Variants in ZPBP observed in about 807,000 individuals in gnomAD.
ZPBP encodes zona pellucida-binding protein 1.
ZPBP carries 26 observed loss-of-function variants against 44.8 expected under a neutral mutation model. The observed-to-expected ratio is 0.58, with a 90% CI of 0.43 to 0.81. The LOEUF is 0.81. Ranked by LOEUF, ZPBP falls within the 30% of genes least tolerant of loss-of-function variation. The pLI is 0.00. For synonymous variants in ZPBP, 174 were observed against 153.2 expected, an observed-to-expected ratio of 1.14 and a Z score of -1.00; for missense variants, 409 against 434.0, an observed-to-expected ratio of 0.94 and a Z score of 0.51.
In ZPBP at chr7:49,945,995, G is replaced by T. The variant is rs147373564; in HGVS notation, c.962-8373C>A. Among the ~76,000 whole-genome samples the T allele has an allele frequency of 1.5e-3, 233 of 151,700 alleles. 3 individuals carry two copies. The highest frequency in any genetic ancestry group is 5.4e-3 in the African/African-American group (223 of 41,406). ...TATCCGTTGTGTTTTTTGATTTGTG[G>T]TTACCATAGCCTTGCAAATAATATC... On this transcript the variant is annotated intron_variant, in intron 7 of 7. Transcript: ENST00000046087.
intron 3 of ZPBP, among the ~76,000 whole-genome samples, chr7:50,079,788 G>A (rs1313947457): frequency 6.6e-6 from 1 of 151,674 alleles, no homozygotes; most frequent in Non-Finnish European, 1.5e-5. Context: ...GAACACATGT[G>A]TGAGTACTTA....
intron 2 of ZPBP, among the ~76,000 whole-genome samples, chr7:49,892,800 G>T (rs1270852240): frequency 6.6e-6 from 1 of 152,206 alleles, no homozygotes; most frequent in Non-Finnish European, 1.5e-5. Flanking sequence ...TCCGTGGAAT[G>T]AATATAAATG....
intron 6 of ZPBP, among the ~76,000 whole-genome samples, chr7:49,986,950 T>C (rs1797312841): frequency 6.6e-6 from 1 of 152,154 alleles, no homozygotes; most frequent in Non-Finnish European, 1.5e-5. Flanking sequence ...CTTCATCTTG[T>C]TTTATGTCCT....
chr7:49,969,911 A>AT lies in ZPBP; in HGVS notation c.961+13430dup, dbSNP rs1796229729. ...GTTTCTCTCTGTCACCCAGGCTGGA[A>AT]TGCAGCGGCACAATCTCAGCTTACT... is the stretch of plus-strand genomic sequence containing the variant. On this transcript the variant is annotated intron_variant, in intron 7 of 7. Transcript: ENST00000046087. Among the ~76,000 whole-genome samples, 7 of 152,048 alleles carry AT rather than the reference A, an allele frequency of 4.6e-5. No individual in the cohort carries two copies. In the South Asian group the frequency reaches 1.5e-3, roughly 32 times the overall value.
intron 1 of ZPBP, among the ~76,000 whole-genome samples, chr7:49,922,808 AAAC>A (rs1794079570): frequency 4.6e-5 from 7 of 152,180 alleles, no homozygotes; most frequent in Admixed American, 3.9e-4. Flanking sequence ...AATGGAGCAG[AAAC>A]AACAATAGGT....
At chr7:49,869,948 T>C (rs1000301108) in intron 2 of ZPBP, among the ~76,000 whole-genome samples, 2 of 152,174 alleles carry the variant, frequency 1.3e-5, no homozygotes, top group African/African-American at 4.8e-5. Flanking sequence ...GAAGATGTGG[T>C]TGTCTCAAAA....
intron 7 of ZPBP, among the ~76,000 whole-genome samples, chr7:49,971,930 G>A (rs1305463729): frequency 6.6e-6 from 1 of 151,760 alleles, no homozygotes; most frequent in South Asian, 2.1e-4. Flanking sequence ...ATGTATGAAT[G>A]GTTTAACATG....
chr7:49,846,179 A>G (rs1455291232), downstream of ZPBP, among the ~76,000 whole-genome samples: 3 of 152,170 alleles, frequency 2.0e-5, no homozygotes, highest in African/African-American at 2.4e-5. Flanking sequence ...ATATGAATCC[A>G]CCCCATTTCC....
intron 2 of ZPBP, among the ~76,000 whole-genome samples, chr7:49,880,856 A>G (rs957181972): frequency 2.6e-5 from 4 of 152,140 alleles, no homozygotes; most frequent in Non-Finnish European, 5.9e-5. Context: ...TGCCTATGAC[A>G]TGGAATACTG....
chr7:49,957,780 C>A (rs1463375068), intron 7 of ZPBP, among the ~76,000 whole-genome samples: 7 of 152,162 alleles, frequency 4.6e-5, no homozygotes, highest in Admixed American at 3.9e-4. Flanking sequence ...TTCAGAGAGT[C>A]TCCACTACAG....
At chr7:49,962,835 T>C (rs536513529) in intron 7 of ZPBP, among the ~76,000 whole-genome samples, 9 of 151,882 alleles carry the variant, frequency 5.9e-5, no homozygotes, top group African/African-American at 2.2e-4. Flanking sequence ...CTTCATGAAT[T>C]GGATCTAAGC....
chr7:49,870,641 G>A (rs979167912), intron 2 of ZPBP, among the ~76,000 whole-genome samples: 1 of 152,186 alleles, frequency 6.6e-6, no homozygotes, highest in African/African-American at 2.4e-5. Context: ...GCTCACATGT[G>A]CATCAGGAAG....
chr7:50,024,478 C>G (rs200502846), intron 5 of ZPBP, among the ~76,000 whole-genome samples: 27 of 140,028 alleles, frequency 1.9e-4, no homozygotes, highest in Admixed American at 1.6e-3. Context: ...CACACACACA[C>G]AGAGGAATAT....
chr7:49,999,280 A>ATG (rs142277341), intron 6 of ZPBP, among the ~76,000 whole-genome samples: 1 of 150,134 alleles, frequency 6.7e-6, no homozygotes, highest in East Asian at 1.9e-4. Flanking sequence ...GTATATATAT[A>ATG]TACTATATAT....
At chr7:50,062,175 T>C (rs1337415766) in intron 3 of ZPBP, among the ~76,000 whole-genome samples, 1 of 152,108 alleles carries the variant, frequency 6.6e-6, no homozygotes, top group African/African-American at 2.4e-5. Context: ...AAATCACAGA[T>C]GACACAAACA....
chr7:49,955,540 G>A (rs979847427), intron 7 of ZPBP, among the ~76,000 whole-genome samples: 1 of 152,078 alleles, frequency 6.6e-6, no homozygotes, highest in Non-Finnish European at 1.5e-5. Context: ...CTGGGCAAGA[G>A]AGCGAGACTC....
intron 3 of ZPBP, among the ~76,000 whole-genome samples, chr7:50,058,360 G>A (rs564635134): frequency 4.6e-5 from 7 of 152,096 alleles, no homozygotes; most frequent in Non-Finnish European, 1.0e-4. Flanking sequence ...CAATTGCATT[G>A]CTGCCTAAGT....
At chr7:49,913,687 T>G (rs1793576489) in intron 1 of ZPBP, 1 of 152,186 alleles carries the variant, frequency 6.6e-6, no homozygotes, top group Non-Finnish European at 1.5e-5. Context: ...CATAATGTAT[T>G]GTATTAGGAG....
chr7:50,018,496 A>G (rs1798928442), intron 5 of ZPBP, among the ~76,000 whole-genome samples, 180 bp from the exon 6 acceptor site: 1 of 151,984 alleles, frequency 6.6e-6, no homozygotes. Context: ...CTTTCTATAA[A>G]TCAAGACAAC....
Sources: allele counts gnomAD v4.1 joint callset (sites outside exome capture counted in the v4.1 genomes callset), GRCh38; gene constraint gnomAD v4.1.1; transcripts MANE v1.5; gene names NCBI Gene and HGNC (gene_info 2026-07-23, HGNC 2026-07-21).